The following FAM81B variants were observed in gnomAD, a reference collection of about 807,000 sequenced individuals.
The protein encoded by FAM81B is protein FAM81B.
Under a neutral mutation model 58.7 loss-of-function variants are expected in FAM81B, and 60 were observed. The ratio of observed to expected loss-of-function variants is 1.02; its 90% CI spans 0.83 to 1.27. The LOEUF (loss-of-function observed/expected upper bound fraction) is 1.27, where lower values mean the gene tolerates loss of function less well. Ranked by LOEUF, FAM81B falls within the 50% of genes most tolerant of loss-of-function variation. The pLI, the probability that FAM81B is intolerant of heterozygous loss-of-function variation, is 0.00. For missense variants in FAM81B, 491 were observed against 522.0 expected, an observed-to-expected ratio of 0.94 and a Z score of 0.58; for synonymous variants, 189 against 179.6, an observed-to-expected ratio of 1.05 and a Z score of -0.42.
intron 7 of FAM81B, among the ~76,000 whole-genome samples, chr5:95,437,316 A>G (rs1745143633): frequency 6.6e-6 from 1 of 151,852 alleles, no homozygotes; most frequent in Non-Finnish European, 1.5e-5. Flanking sequence ...AACATCCTCT[A>G]TTTACTCCTT....
At chr5:95,448,628 T>C (rs377727556) in intron 9 of FAM81B, 164 bp downstream of exon 9, 38 of 686,924 alleles carry the variant, frequency 5.5e-5, no homozygotes, top group Middle Eastern at 6.4e-4. Flanking sequence ...AGTATTATAC[T>C]GGAAGGCATA....
rs1745577036 is a variant in FAM81B, at chr5:95,446,662, A to G, written c.994A>G (p.Ile332Val). 4.3e-6 allele frequency: 7 copies of G among 1,611,058 alleles called. No homozygotes were observed. Among genetic ancestry groups the G allele is most frequent in the African/African-American group, 1.3e-5 (1 of 74,664 alleles). ...LKYRKDHLGH[I>V]NECLKVLQEK... ...ATATAGAAAAGACCACCTGGGCCATATAAATGAATGTCTGAAGGTCCTACA... is the reference window on the plus strand; with the variant it reads ...ATATAGAAAAGACCACCTGGGCCATGTAAATGAATGTCTGAAGGTCCTACA... The change falls in exon 8 of 10, where the codon ATA becomes GTA. Residue 332 changes from isoleucine to valine, a missense_variant. By Grantham distance (29) the Ile-to-Val change is conservative. Coordinates refer to ENST00000283357, the MANE Select transcript of FAM81B (RefSeq NM_152548.3).
rs771590196 is a variant in FAM81B at position 95,436,805 on chromosome 5, G to A, written c.792G>A (p.Met264Ile). 2.5e-6 allele frequency: 4 copies of A among 1,610,366 alleles called. No individual in the cohort carries two copies. The East Asian group carries it at 8.9e-5, about 36-fold the overall frequency. ...TLSKNLDMKV[M>I]QLLGKIETAS... ...CCCTCTCGTACTTTGACTAGGTGAT[G>A]CAGCTCTTAGGAAAGATAGAAACTG... Residue 264 changes from methionine (M) to isoleucine (I), a missense_variant, in exon 7 of 10, where the codon ATG (methionine) becomes ATA (isoleucine). Transcript: ENST00000283357.
At chr5:95,443,492 T>C (rs139620887) in intron 7 of FAM81B, among the ~76,000 whole-genome samples, 3 of 152,292 alleles carry the variant, frequency 2.0e-5, no homozygotes, top group Non-Finnish European at 4.4e-5. Flanking sequence ...GAAATGCTCA[T>C]ACACCTATTG....
At chr5:95,432,668 A>C (rs1486797557) in intron 6 of FAM81B, among the ~76,000 whole-genome samples, 1 of 151,932 alleles carries the variant, frequency 6.6e-6, no homozygotes, top group Admixed American at 6.6e-5. Flanking sequence ...TTTCCTTCAG[A>C]TTTTGAATTT....
At position 95,420,357 on chromosome 5, in the gene FAM81B, T is replaced by G; in HGVS notation, c.611T>G (p.Ile204Ser). ...AACTTTGCAGTACACGAGATAAACA[T>G]CAAACACCTACAAGGAGTTGGAGAT... Reference protein sequence around the residue: ...GTNFAVHEINIKHLQGVGDLR... With the variant: ...GTNFAVHEINSKHLQGVGDLR... The change falls in exon 5 of 10, where the codon ATC becomes AGC. Residue 204 changes from isoleucine (I) to serine (S), a missense_variant. Coordinates refer to ENST00000283357, the MANE Select transcript of FAM81B (RefSeq NM_152548.3). 2 of 1,613,834 alleles carry G rather than the reference T, an allele frequency of 1.2e-6. No individual in the cohort carries two copies. Among genetic ancestry groups the G allele is most frequent in the Non-Finnish European group, 1.7e-6 (2 of 1,179,794 alleles).
At position 95,431,317 on chromosome 5, in the gene FAM81B, T is replaced by A. The variant is rs933666550; in HGVS notation, c.786+2585T>A. ...TTGTTGTTTACACTTAAATCCTTCG[T>A]CCATTTGTAGTTTTCCTAATATGTG... On this transcript the variant is annotated intron_variant, in intron 6 of 9. Transcript: ENST00000283357. Among the ~76,000 whole-genome samples, 31 of 152,104 alleles carry A rather than the reference T, an allele frequency of 2.0e-4. 1 individual carries two copies. Among genetic ancestry groups the A allele is most frequent in the Admixed American group, 2.0e-3 (30 of 15,270 alleles).
chr5:95,440,272 TAG>T (rs1745281078), intron 7 of FAM81B: 1 of 836,806 alleles, frequency 1.2e-6, no homozygotes, highest in Non-Finnish European at 2.0e-6. Context: ...TACAAGGACT[TAG>T]TACCTGATTA....
At chr5:95,420,964 C>T (rs1762665574) in intron 5 of FAM81B, among the ~76,000 whole-genome samples, 1 of 152,160 alleles carries the variant, frequency 6.6e-6, no homozygotes, top group Admixed American at 6.5e-5. Flanking sequence ...ATCTCTACAT[C>T]TTCTGCCAGT....
At chr5:95,402,178 G>A (rs377760995) in intron 3 of FAM81B, among the ~76,000 whole-genome samples, 62 of 152,338 alleles carry the variant, frequency 4.1e-4, no homozygotes, top group African/African-American at 1.5e-3. Flanking sequence ...AATACCTAAT[G>A]ATTTGAATAA....
Position 95,448,213 on chromosome 5 carries a change from C to G in FAM81B, c.1030-56C>G. 3 of 1,467,054 alleles carry G rather than the reference C, an allele frequency of 2.0e-6. No homozygotes were observed. The South Asian group carries it at 3.9e-5, about 19-fold the overall frequency. 90.9% of individuals were successfully genotyped at this position (1,467,054 alleles called of 1,614,324 possible). A position where few individuals can be genotyped will look rare whatever the true frequency, so the allele number is the denominator to read the frequency against. ...GAATGTTAAAAATATTTTCTCTAAG[C>G]TGAAAGATAAATCCATGTACATTTC... On this transcript the variant is annotated intron_variant, in intron 8 of 9. Transcript: ENST00000283357.
rs766358057 is a variant in FAM81B, at chr5:95,413,916, C to T, written c.294-31C>T. On this transcript the variant is annotated intron_variant, in intron 3 of 9. Transcript: ENST00000283357. The stretch of plus-strand genomic sequence containing the variant: ...CTCCTCCAGCTCATTCTTGTAATGC[C>T]CTGGTGTTTCCTTTTCCTTTTTCTG... The T allele has an allele frequency of 7.5e-6, 12 of 1,591,380 alleles. No individual in the cohort carries two copies. In the Admixed American group the frequency reaches 1.9e-4, roughly 26 times the overall value.
At chr5:95,424,113 G>A (rs1047291532) in intron 5 of FAM81B, 1 of 1,289,808 alleles carries the variant, frequency 7.8e-7, no homozygotes, top group Non-Finnish European at 1.0e-6. Context: ...GCTGAGGAAG[G>A]AGAGAGATTT....
At chr5:95,403,329 T>G (rs74630204) in intron 3 of FAM81B, among the ~76,000 whole-genome samples, 2,434 of 152,312 alleles carry the variant, frequency 0.016, 64 homozygotes, top group African/African-American at 0.056. Flanking sequence ...ACAGAGCCAT[T>G]ATATGTAAAT....
rs1182129218 is a variant in FAM81B at position 95,450,298 on chromosome 5, T to A, written c.*16T>A. The A allele has an allele frequency of 1.2e-6, 2 of 1,609,596 alleles. No homozygotes were observed. Among genetic ancestry groups the A allele is most frequent in the Admixed American group, 1.7e-5 (1 of 59,238 alleles). On this transcript the variant is annotated 3_prime_UTR_variant, in exon 10 of 10. Transcript: ENST00000283357. The stretch of plus-strand genomic sequence containing the variant: ...GGAAGTATAAACCTTTTCAGTCATC[T>A]TCTTTTTCATCAGCCAATGGAGTGA...
At position 95,448,447 on chromosome 5, in the gene FAM81B, AGAAT is replaced by A; in HGVS notation, c.1213_1216del (p.Glu405IlefsTer25). On this transcript the variant is annotated frameshift_variant, in exon 9 of 10. Transcript: ENST00000283357. LOFTEE classifies it high-confidence loss of function. ...ATCTGGGGTGAATTAGAGACAATGC[AGAAT>A]GAATATCAATCAGGTGAGCAGATAC... 6.2e-7 allele frequency: 1 copy of A among 1,605,998 alleles called. No homozygotes were observed. The highest frequency in any genetic ancestry group is 8.5e-7 in the Non-Finnish European group (1 of 1,178,002).
intron 5 of FAM81B, among the ~76,000 whole-genome samples, chr5:95,421,423 G>A (rs150789650): frequency 8.1e-4 from 123 of 152,330 alleles, no homozygotes; most frequent in Non-Finnish European, 1.2e-3. Flanking sequence ...CTGAGGGAAG[G>A]ATCACTGTGA....
intron 6 of FAM81B, among the ~76,000 whole-genome samples, chr5:95,434,343 G>A (rs986403710): frequency 2.0e-5 from 3 of 152,114 alleles, no homozygotes; most frequent in Admixed American, 6.6e-5. Context: ...TCCAGAGGCC[G>A]CCTACCTTCC....
intron 4 of FAM81B, among the ~76,000 whole-genome samples, chr5:95,414,917 TTTTCTC>T (rs1304712631): frequency 2.6e-5 from 4 of 152,214 alleles, no homozygotes; most frequent in African/African-American, 4.8e-5. Context: ...TTCCTGTTTG[TTTTCTC>T]TTTCTAAGAT....
Sources: gnomAD v4.1 joint callset for allele counts (sites outside exome capture counted in the v4.1 genomes callset) on GRCh38, gnomAD v4.1.1 for gene constraint, MANE v1.5 for transcripts, NCBI Gene and HGNC (gene_info 2026-07-23, HGNC 2026-07-21) for gene names.